The following ELAVL4 variants were observed in gnomAD, a reference collection of about 807,000 sequenced individuals.
ELAVL4 encodes the protein ELAV-like protein 4.
In ELAVL4, 1 loss-of-function variant was observed where a neutral mutation model predicts 35.6. The ratio of observed to expected loss-of-function variants is 0.03; its 90% CI spans 0.01 to 0.13. The LOEUF (loss-of-function observed/expected upper bound fraction) is 0.13. ELAVL4 is among the 10% of genes least tolerant of loss of function. The pLI, the probability that ELAVL4 is intolerant of heterozygous loss-of-function variation, is 1.00. For missense variants in ELAVL4, 267 were observed against 464.9 expected (o/e 0.57, Z 3.91); for synonymous variants, 156 against 171.0 (o/e 0.91, Z 0.69).
chr1:50,196,468 T>C (rs1043307731), intron 5 of ELAVL4, among the ~76,000 whole-genome samples: 5 of 152,216 alleles, frequency 3.3e-5, no homozygotes, highest in African/African-American at 1.2e-4. Flanking sequence ...ATACAAGAGA[T>C]AAAAATATGT....
chr1:50,166,191 C>G (rs1436585426), intron 2 of ELAVL4, among the ~76,000 whole-genome samples: 1 of 152,110 alleles, frequency 6.6e-6, no homozygotes, highest in Non-Finnish European at 1.5e-5. Context: ...AGTTGACACT[C>G]AGTATTAACC....
At chr1:50,112,708 A>G (rs1190627001) in intron 1 of ELAVL4, among the ~76,000 whole-genome samples, 1 of 152,138 alleles carries the variant, frequency 6.6e-6, no homozygotes, top group Non-Finnish European at 1.5e-5. Context: ...TTTTTTAAAA[A>G]GCTAACAAAC....
chr1:50,073,973 A>G (rs1664645847), intron 1 of ELAVL4, among the ~76,000 whole-genome samples: 1 of 152,232 alleles, frequency 6.6e-6, no homozygotes. Context: ...TATTTAGCTA[A>G]GCATGGCTGC....
At chr1:50,112,765 CCATT>C (rs1242210136) in intron 1 of ELAVL4, among the ~76,000 whole-genome samples, 1 of 152,024 alleles carries the variant, frequency 6.6e-6, no homozygotes, top group Non-Finnish European at 1.5e-5. Context: ...TTTTTACCTG[CCATT>C]CATTCAAGTC....
At chr1:50,077,840 T>G (rs1448402640) in intron 1 of ELAVL4, among the ~76,000 whole-genome samples, 2 of 152,206 alleles carry the variant, frequency 1.3e-5, no homozygotes, top group African/African-American at 4.8e-5. Context: ...TTTAATTCTC[T>G]CAATAACTTT....
intron 1 of ELAVL4, among the ~76,000 whole-genome samples, chr1:50,084,007 T>C (rs551960491): frequency 6.6e-6 from 1 of 152,338 alleles, no homozygotes; most frequent in East Asian, 1.9e-4. Context: ...GAATGCCTAG[T>C]AGGCCAATGG....
At chr1:50,167,996 C>A (rs572113948) in intron 2 of ELAVL4, among the ~76,000 whole-genome samples, 1 of 152,324 alleles carries the variant, frequency 6.6e-6, no homozygotes, top group Non-Finnish European at 1.5e-5. Flanking sequence ...TCCTTCTATG[C>A]AAAGTGCACA....
Position 50,156,499 on chromosome 1 carries a change from A to G in ELAVL4, c.250+11302A>G, listed in dbSNP as rs545740354. Among the ~76,000 whole-genome samples the G allele has an allele frequency of 2.0e-5, 3 of 152,286 alleles. No individual in the cohort carries two copies. The East Asian group carries it at 5.8e-4, about 29-fold the overall frequency. ...AAGGTGGATGTCTGTTCCTGGTTCA[A>G]TCCTAGGTTATGTAATTCCAAGTAG... On this transcript the variant is annotated intron_variant, in intron 2 of 6. Coordinates refer to ENST00000371824, the MANE Select transcript of ELAVL4 (RefSeq NM_001144774.3).
intron 1 of ELAVL4, among the ~76,000 whole-genome samples, chr1:50,091,823 A>C (rs1218422810): frequency 6.6e-6 from 1 of 152,148 alleles, no homozygotes; most frequent in African/African-American, 2.4e-5. Context: ...TGAGGTAGGG[A>C]TGTCATGTTT....
chr1:50,056,411 T>G (rs986435119), intron 1 of ELAVL4, among the ~76,000 whole-genome samples: 1 of 152,188 alleles, frequency 6.6e-6, no homozygotes, highest in African/African-American at 2.4e-5. Flanking sequence ...AAGATTATAA[T>G]GGAGCTGAAA....
chr1:50,175,824 T>C (rs572670359), intron 2 of ELAVL4: 9 of 152,348 alleles, frequency 5.9e-5, no homozygotes, highest in Non-Finnish European at 1.2e-4. Context: ...TGGGCTCCTG[T>C]CACCAGGACA....
At chr1:50,051,460 A>G (rs1407548826) in intron 1 of ELAVL4, among the ~76,000 whole-genome samples, 1 of 152,216 alleles carries the variant, frequency 6.6e-6, no homozygotes, top group Non-Finnish European at 1.5e-5. Flanking sequence ...AGAGTACTGA[A>G]TAGTATTGCT....
chr1:50,195,882 A>G (rs1644024977), intron 5 of ELAVL4, 96 bp downstream of exon 5: 2 of 1,384,672 alleles, frequency 1.4e-6, no homozygotes, highest in South Asian at 2.6e-5. Context: ...GGGCAAGGGT[A>G]AAAGCTTCCA....
At chr1:50,075,640 G>A (rs540355778) in intron 1 of ELAVL4, among the ~76,000 whole-genome samples, 2 of 152,180 alleles carry the variant, frequency 1.3e-5, no homozygotes, top group East Asian at 1.9e-4. Context: ...GAGTACAGGT[G>A]GTCCTATACT....
At chr1:50,153,579 A>G (rs1675179496) in intron 2 of ELAVL4, among the ~76,000 whole-genome samples, 1 of 152,216 alleles carries the variant, frequency 6.6e-6, no homozygotes, top group Non-Finnish European at 1.5e-5. Flanking sequence ...TCTCAAAGCA[A>G]GTGTCAAAGA....
chr1:50,136,736 T>A (rs1174614905), intron 1 of ELAVL4, among the ~76,000 whole-genome samples: 1 of 152,146 alleles, frequency 6.6e-6, no homozygotes, highest in Non-Finnish European at 1.5e-5. Context: ...TAAGGGTATT[T>A]GTAAAAGAAA....
chr1:50,135,391 G>A (rs531753972), intron 1 of ELAVL4, among the ~76,000 whole-genome samples: 63 of 152,242 alleles, frequency 4.1e-4, no homozygotes, highest in South Asian at 2.1e-4. Flanking sequence ...GAGTGTATAC[G>A]ATTTATATGC....
chr1:50,164,330 G>A (rs1572477278), intron 2 of ELAVL4, among the ~76,000 whole-genome samples: 1 of 152,094 alleles, frequency 6.6e-6, no homozygotes, highest in Non-Finnish European at 1.5e-5. Context: ...TAGGCATGGG[G>A]CTCTCGCTAC....
rs542789650 is a variant in ELAVL4 at position 50,124,119 on chromosome 1, C to T, written c.9+14921C>T. Among the ~76,000 whole-genome samples the T allele has an allele frequency of 1.8e-3, 276 of 152,142 alleles. 1 individual carries two copies. Among genetic ancestry groups the T allele is most frequent in the African/African-American group, 6.0e-3 (251 of 41,544 alleles). ...GAGTGGGATATTGGACCCAAATCCC[C>T]CTTGTTGTGAAGACTGGTTTTGACA... On this transcript the variant is annotated intron_variant, in intron 1 of 6. Coordinates refer to ENST00000371824, the MANE Select transcript of ELAVL4 (RefSeq NM_001144774.3).
Sources: gnomAD v4.1 joint callset for allele counts (sites outside exome capture counted in the v4.1 genomes callset) on GRCh38, gnomAD v4.1.1 for gene constraint, MANE v1.5 for transcripts, NCBI Gene and HGNC (gene_info 2026-07-23, HGNC 2026-07-21) for gene names.